The following COL5A2 variants were observed in gnomAD, a reference collection of about 807,000 sequenced individuals.
COL5A2 encodes the protein collagen type V alpha 2 chain, also known as collagen alpha-2(V) chain.
A neutral mutation model predicts 208.2 loss-of-function variants in COL5A2; 23 were observed. The observed-to-expected ratio is 0.11, with a 90% CI of 0.08 to 0.16. The LOEUF (loss-of-function observed/expected upper bound fraction) is 0.16. Among genes scored for constraint, COL5A2 ranks in the 10% least tolerant of loss-of-function variants. COL5A2 has a pLI of 1.00. For missense variants in COL5A2, 1,590 were observed against 1,956.4 expected (o/e 0.81, Z 3.53); for synonymous variants, 625 against 628.5 (o/e 0.99, Z 0.08).
chr2:189,169,273 T>C (rs527864001), intron 1 of COL5A2, among the ~76,000 whole-genome samples: 1 of 152,270 alleles, frequency 6.6e-6, no homozygotes, highest in South Asian at 2.1e-4. Context: ...CACTGGGGCA[T>C]GGAGTGGATC....
At chr2:189,385,613 GAAA>G in the COL5A2 span, among the ~76,000 whole-genome samples, 1 of 151,112 alleles carries the variant, frequency 6.6e-6, no homozygotes, top group South Asian at 2.1e-4. Context: ...CACAGAATTA[GAAA>G]AAAACATCCA....
the COL5A2 span, among the ~76,000 whole-genome samples, chr2:189,438,181 T>C: frequency 3.3e-5 from 5 of 150,200 alleles, no homozygotes; most frequent in East Asian, 9.8e-4. Context: ...CTTATTATGA[T>C]GGCTAAAATA....
chr2:189,358,300 T>A, the COL5A2 span, among the ~76,000 whole-genome samples: 1 of 152,186 alleles, frequency 6.6e-6, no homozygotes, highest in Non-Finnish European at 1.5e-5. Flanking sequence ...CTGAGAACTC[T>A]GATGGAGATG....
the COL5A2 span, among the ~76,000 whole-genome samples, chr2:189,365,001 A>G: frequency 6.6e-6 from 1 of 152,204 alleles, no homozygotes; most frequent in Non-Finnish European, 1.5e-5. Context: ...TAAAAAGTGA[A>G]ATCTATTTTT....
chr2:189,065,133 T>G, intron 23 of COL5A2, 76 bp from the exon 24 acceptor site: 1 of 1,351,628 alleles, frequency 7.4e-7, no homozygotes, highest in Non-Finnish European at 1.0e-6. Context: ...GATTTTTATT[T>G]TTAGCACTAT....
chr2:189,287,252 A>G, the COL5A2 span, among the ~76,000 whole-genome samples: 1 of 152,108 alleles, frequency 6.6e-6, no homozygotes, highest in Admixed American at 6.6e-5. Flanking sequence ...GCACATAATC[A>G]ATGGTAGTTA....
the COL5A2 span, among the ~76,000 whole-genome samples, chr2:189,428,346 A>T: frequency 2.6e-5 from 4 of 152,140 alleles, no homozygotes; most frequent in African/African-American, 9.7e-5. Flanking sequence ...TGAGCCAGGC[A>T]TGGTGGCTCA....
the COL5A2 span, among the ~76,000 whole-genome samples, chr2:189,237,403 CAA>C: frequency 1.9e-4 from 29 of 148,780 alleles, no homozygotes; most frequent in African/African-American, 6.7e-4. Context: ...ACAATAACAG[CAA>C]AAAAAAAGAC....
the COL5A2 span, among the ~76,000 whole-genome samples, chr2:189,324,759 T>C: frequency 6.6e-6 from 1 of 152,176 alleles, no homozygotes; most frequent in Non-Finnish European, 1.5e-5. Context: ...GACAGTGTGG[T>C]GATTCCTCAG....
intron 36 of COL5A2, 74 bp from the exon 37 acceptor site, chr2:189,054,022 T>A: frequency 6.9e-7 from 1 of 1,454,702 alleles, no homozygotes; most frequent in Non-Finnish European, 9.6e-7. Context: ...GGTCACTGTG[T>A]AGGAGGAGAT....
At chr2:189,318,736 A>G in the COL5A2 span, among the ~76,000 whole-genome samples, 1 of 152,188 alleles carries the variant, frequency 6.6e-6, no homozygotes, top group African/African-American at 2.4e-5. Context: ...AAATATCATC[A>G]CTTCATCTCC....
chr2:189,166,712 G>A (rs1359537112), intron 1 of COL5A2, among the ~76,000 whole-genome samples: 2 of 152,188 alleles, frequency 1.3e-5, no homozygotes, highest in Non-Finnish European at 2.9e-5. Flanking sequence ...GTCCATCTGG[G>A]ATACTGGGGC....
chr2:189,115,044 C>T (rs1312507426), intron 1 of COL5A2, among the ~76,000 whole-genome samples: 1 of 152,086 alleles, frequency 6.6e-6, no homozygotes, highest in Non-Finnish European at 1.5e-5. Flanking sequence ...ATGTTTATCT[C>T]CCAACCTACA....
the COL5A2 span, among the ~76,000 whole-genome samples, chr2:189,312,463 C>T: frequency 6.6e-6 from 1 of 152,132 alleles, no homozygotes; most frequent in African/African-American, 2.4e-5. Flanking sequence ...ACCGGCCGGG[C>T]GCCGTAGCTG....
chr2:189,072,351 A>C (rs1686293654), intron 17 of COL5A2, among the ~76,000 whole-genome samples: 1 of 152,210 alleles, frequency 6.6e-6, no homozygotes, highest in Non-Finnish European at 1.5e-5. Flanking sequence ...AATCACAAAC[A>C]TAAAGTGTTT....
the COL5A2 span, among the ~76,000 whole-genome samples, chr2:189,297,461 T>G: frequency 6.6e-6 from 1 of 152,208 alleles, no homozygotes; most frequent in Non-Finnish European, 1.5e-5. Context: ...ATGTATCCCA[T>G]AAATATATAT....
chr2:189,361,535 T>G, the COL5A2 span, among the ~76,000 whole-genome samples: 1 of 57,602 alleles, frequency 1.7e-5, no homozygotes, highest in Non-Finnish European at 5.2e-5. Context: ...CAGCATGTAG[T>G]TGGGTCTTGT....
chr2:189,090,882 A>C (rs1686770276), intron 7 of COL5A2, among the ~76,000 whole-genome samples: 1 of 152,206 alleles, frequency 6.6e-6, no homozygotes, highest in Non-Finnish European at 1.5e-5. Context: ...GCACTAGGTC[A>C]CATAAGAGTT....
chr2:189,368,721 T>C, the COL5A2 span, among the ~76,000 whole-genome samples: 1 of 152,178 alleles, frequency 6.6e-6, no homozygotes. Context: ...AGGAACTGGA[T>C]GAGTTTATAC....
Sources: gnomAD v4.1 joint callset for allele counts (sites outside exome capture counted in the v4.1 genomes callset) on GRCh38, gnomAD v4.1.1 for gene constraint, MANE v1.5 for transcripts, NCBI Gene and HGNC (gene_info 2026-07-23, HGNC 2026-07-21) for gene names.